The following SPATA31D1 variants were observed in gnomAD, a reference collection of about 807,000 sequenced individuals.
The protein encoded by SPATA31D1 is SPATA31 subfamily D member 1.
Under a neutral mutation model 13.2 loss-of-function variants are expected in SPATA31D1, and 6 were observed. That is an observed-to-expected ratio of 0.46 (90% CI 0.25 to 0.90). The LOEUF is 0.90. Ranked by LOEUF, SPATA31D1 falls within the 40% of genes least tolerant of loss-of-function variation. The probability of loss-of-function intolerance (pLI) is 0.18; values close to 1 mark genes in which losing one functional copy is unlikely to be tolerated. For missense variants in SPATA31D1, 2,445 were observed against 1,884.7 expected, an observed-to-expected ratio of 1.30 and a Z score of -5.50; for synonymous variants, 903 against 718.8, an observed-to-expected ratio of 1.26 and a Z score of -4.10.
rs369935725 is a variant in SPATA31D1, at chr9:81,993,821, A to C, written c.3351A>C (p.Ile1117=). Reference sequence around the variant, plus strand: ...GTAGATGCAGCGCAGAGCTGCCCATAATGCAAGCTGGAGCTGGCTGTGAGT... The same window carrying C: ...GTAGATGCAGCGCAGAGCTGCCCATCATGCAAGCTGGAGCTGGCTGTGAGT... ...LASRCSAELP[I]MQAGAGCESW... Residue 1117 remains isoleucine (I), a synonymous_variant, in exon 4 of 4, where the codon ATA becomes ATC. Transcript: ENST00000344803. 6 of 1,614,022 alleles carry C rather than the reference A, an allele frequency of 3.7e-6. No homozygotes were observed. In the South Asian group the frequency reaches 6.6e-5, roughly 18 times the overall value.
At position 81,993,325 on chromosome 9, in the gene SPATA31D1, C is replaced by G. The variant is rs760591635; in HGVS notation, c.2855C>G (p.Ser952Cys). ...CTTCCCTCCTCAGCCACCTTCATCT[C>G]TCAGGGAGATTCCAAAGATGGGGTC... Reference protein sequence around the residue: ...FDLPSSATFISQGDSKDGVSK... With the variant: ...FDLPSSATFICQGDSKDGVSK... Residue 952 changes from serine (S) to cysteine (C), a missense_variant, in exon 4 of 4, where the codon TCT becomes TGT. Coordinates refer to ENST00000344803, the MANE Select transcript of SPATA31D1 (RefSeq NM_001001670.3). 6.2e-6 allele frequency: 10 copies of G among 1,614,016 alleles called. No homozygotes were observed. The highest frequency in any genetic ancestry group is 1.1e-5 in the South Asian group (1 of 91,084).
chr9:81,988,670 G>T, upstream of SPATA31D1: 1 of 1,299,484 alleles, frequency 7.7e-7, no homozygotes, highest in Non-Finnish European at 1.1e-6. Flanking sequence ...GTGGGGTTGG[G>T]GCTGTGGACA....
rs200637237 is a variant in SPATA31D1, at chr9:81,994,903, C to T, written c.4433C>T (p.Ala1478Val). 6.2e-7 allele frequency: 1 copy of T among 1,613,980 alleles called. No homozygotes were observed. Among genetic ancestry groups the T allele is most frequent in the Non-Finnish European group, 8.5e-7 (1 of 1,179,884 alleles). Reference protein sequence around the residue: ...VTRTKSCSQQAIFVGQNYPTR... With the variant: ...VTRTKSCSQQVIFVGQNYPTR... ...CGTACCAAATCTTGCAGCCAACAAG[C>T]TATCTTTGTTGGCCAGAATTATCCT... is the stretch of plus-strand genomic sequence containing the variant. The change falls in exon 4 of 4, where the codon GCT (alanine) becomes GTT (valine). Residue 1478 changes from alanine (A) to valine (V), a missense_variant. Ala to Val is a moderately conservative substitution (Grantham distance 64). Transcript: ENST00000344803.
chr9:81,993,882 G>A lies in SPATA31D1; in HGVS notation c.3412G>A (p.Asp1138Asn), dbSNP rs563411353. ...GAGAAAGAGTTCCTTTCATAATGTA[G>A]ACAGGCTTCAGGGCAGTAGAAAGAC... ...DKRKSSFHNV[D>N]RLQGSRKTFP... is the part of the protein sequence containing the mutation. Residue 1138 changes from aspartate to asparagine, a missense_variant, in exon 4 of 4, where the codon GAC (aspartate) becomes AAC (asparagine). Asp to Asn is a conservative substitution (Grantham distance 23, BLOSUM62 1). Coordinates refer to ENST00000344803, the MANE Select transcript of SPATA31D1 (RefSeq NM_001001670.3). The A allele has an allele frequency of 1.2e-6, 2 of 1,613,984 alleles. No individual in the cohort carries two copies. Among genetic ancestry groups the A allele is most frequent in the South Asian group, 1.1e-5 (1 of 91,078 alleles).
chr9:81,994,100 GGT>G lies in SPATA31D1; in HGVS notation c.3631_3632del (p.Val1211ProfsTer5). On this transcript the variant is annotated frameshift_variant, in exon 4 of 4. Transcript: ENST00000344803. LOFTEE classifies it low-confidence loss of function (END_TRUNC). ...KNQMLSQLKL[V>X]QRKHSQPQSH... Reference sequence around the variant, plus strand: ...ATCAGATGTTGAGCCAGTTAAAGTTGGTCCAGAGGAAGCATAGCCAACCTCAG... The same window carrying G: ...ATCAGATGTTGAGCCAGTTAAAGTTGCCAGAGGAAGCATAGCCAACCTCAG... 1 of 1,613,806 alleles carries G rather than the reference GGT, an allele frequency of 6.2e-7. No homozygotes were observed. Among genetic ancestry groups the G allele is most frequent in the Non-Finnish European group, 8.5e-7 (1 of 1,179,830 alleles).
At position 81,990,961 on chromosome 9, in the gene SPATA31D1, C is replaced by A; in HGVS notation, c.491C>A (p.Ser164Tyr). 1 of 1,613,904 alleles carries A rather than the reference C, an allele frequency of 6.2e-7. No individual in the cohort carries two copies. The highest frequency in any genetic ancestry group is 8.5e-7 in the Non-Finnish European group (1 of 1,179,830). The change falls in exon 4 of 4, where the codon TCT becomes TAT. Residue 164 changes from serine to tyrosine, a missense_variant. By Grantham distance (144) the Ser-to-Tyr change is moderately radical. Coordinates refer to ENST00000344803, the MANE Select transcript of SPATA31D1 (RefSeq NM_001001670.3). ...PSVSPLASSA[S>Y]ATESSFTLAS... is the part of the protein sequence containing the mutation. Reference sequence around the variant, plus strand: ...GTGTCCCCTTTGGCTTCTTCGGCTTCTGCGACTGAGTCATCGTTCACTCTG... The same window carrying A: ...GTGTCCCCTTTGGCTTCTTCGGCTTATGCGACTGAGTCATCGTTCACTCTG...
rs375539457 is a variant in SPATA31D1 at position 81,993,449 on chromosome 9, C to G, written c.2979C>G (p.Val993=). The change falls in exon 4 of 4, where the codon GTC becomes GTG. Residue 993 remains valine, a synonymous_variant. Coordinates refer to ENST00000344803, the MANE Select transcript of SPATA31D1 (RefSeq NM_001001670.3). Reference sequence around the variant, plus strand: ...GTCCTCACCCTGTCTCCTCACCTGTCGTCCAAGAAGGGCAGGGGACCCTGA... The same window carrying G: ...GTCCTCACCCTGTCTCCTCACCTGTGGTCCAAGAAGGGCAGGGGACCCTGA... ...LDRPHPVSSP[V]VQEGQGTLRR... 1.2e-6 allele frequency: 2 copies of G among 1,613,826 alleles called. No homozygotes were observed. Among genetic ancestry groups the G allele is most frequent in the Non-Finnish European group, 8.5e-7 (1 of 1,179,836 alleles).
Sources: gnomAD v4.1 joint callset for allele counts on GRCh38, gnomAD v4.1.1 for gene constraint, MANE v1.5 for transcripts, NCBI Gene and HGNC (gene_info 2026-07-23, HGNC 2026-07-21) for gene names.